Variants in TMEM266 observed in about 807,000 individuals in gnomAD.
The protein encoded by TMEM266 is Hv1 related protein 1.
TMEM266 carries 33 observed loss-of-function variants against 50.5 expected under a neutral mutation model. The ratio of observed to expected loss-of-function variants is 0.65; its 90% CI spans 0.50 to 0.87. TMEM266 has a LOEUF of 0.87. TMEM266 is among the 40% of genes least tolerant of loss of function. The probability of loss-of-function intolerance (pLI) is 0.00; values close to 1 mark genes in which losing one functional copy is unlikely to be tolerated. For synonymous variants in TMEM266, 310 were observed against 292.3 expected, an observed-to-expected ratio of 1.06 and a Z score of -0.62; for missense variants, 655 against 695.1, an observed-to-expected ratio of 0.94 and a Z score of 0.65.
intron 1 of TMEM266, among the ~76,000 whole-genome samples, chr15:76,065,670 C>T (rs1211232732): frequency 6.6e-6 from 1 of 152,106 alleles, no homozygotes; most frequent in African/African-American, 2.4e-5. Flanking sequence ...AGAGTAGCTA[C>T]GGCAGAGGAT....
At chr15:76,138,008 G>A in intron 3 of TMEM266, 113 bp downstream of exon 3, 2 of 1,099,118 alleles carry the variant, frequency 1.8e-6, no homozygotes, top group Non-Finnish European at 2.5e-6. Context: ...GATCACCTGA[G>A]GTTAGGAGTT....
At chr15:76,172,045 G>A (rs139643688) in intron 7 of TMEM266, among the ~76,000 whole-genome samples, 10 of 152,256 alleles carry the variant, frequency 6.6e-5, no homozygotes, top group African/African-American at 2.4e-4. Context: ...AGGACGAAGA[G>A]GCCCACCCCA....
intron 1 of TMEM266, among the ~76,000 whole-genome samples, chr15:76,068,474 C>T (rs1037500433): frequency 6.6e-6 from 1 of 152,158 alleles, no homozygotes. Flanking sequence ...TGAGTTGTTT[C>T]CCCTCCAAAA....
intron 8 of TMEM266, among the ~76,000 whole-genome samples, chr15:76,178,277 A>G (rs975444362): frequency 1.5e-4 from 23 of 152,054 alleles, no homozygotes; most frequent in African/African-American, 4.6e-4. Context: ...AAGACTGGGG[A>G]CAGAGGCTGG....
chr15:76,124,624 C>T (rs948456181), intron 1 of TMEM266, among the ~76,000 whole-genome samples: 46 of 151,856 alleles, frequency 3.0e-4, no homozygotes, highest in Non-Finnish European at 5.4e-4. Context: ...CATAGCAAGA[C>T]CCCCAACTCT....
intron 1 of TMEM266, among the ~76,000 whole-genome samples, chr15:76,104,303 A>T (rs2037048117): frequency 6.6e-6 from 1 of 152,226 alleles, no homozygotes; most frequent in South Asian, 2.1e-4. Flanking sequence ...TTTAAATTCA[A>T]AATGAATTAA....
chr15:76,193,212 A>C, intron 9 of TMEM266, among the ~76,000 whole-genome samples: 1 of 150,394 alleles, frequency 6.6e-6, no homozygotes, highest in East Asian at 2.0e-4. Context: ...GCAACACTGC[A>C]AACAGCTTTT....
At chr15:76,194,792 G>T (rs1253017322) in intron 9 of TMEM266, among the ~76,000 whole-genome samples, 1 of 152,080 alleles carries the variant, frequency 6.6e-6, no homozygotes, top group Non-Finnish European at 1.5e-5. Context: ...TTTTATAAGG[G>T]CCCCAGTCAT....
At chr15:76,172,788 C>A (rs905531050) in intron 7 of TMEM266, among the ~76,000 whole-genome samples, 1 of 152,170 alleles carries the variant, frequency 6.6e-6, no homozygotes, top group Admixed American at 6.5e-5. Context: ...TGACACCCAC[C>A]AGCGCTCTTT....
rs1048439373 is a variant in TMEM266 at position 76,204,421 on chromosome 15, G to A, written c.*106G>A. ...CACGCGGGGCCCAGGAGCCCACCTG[G>A]CCTCCCTCAGGGTGCTGCCTGCCTC... On this transcript the variant is annotated 3_prime_UTR_variant, in exon 11 of 11. Coordinates refer to ENST00000388942, the MANE Select transcript of TMEM266 (RefSeq NM_152335.3). The A allele has an allele frequency of 4.4e-6, 5 of 1,143,256 alleles. No homozygotes were observed. In the South Asian group the frequency reaches 8.1e-5, roughly 18 times the overall value. The allele number at this position is 1,143,256 out of a possible 1,614,324, so 70.8% of individuals were successfully genotyped here. A position where few individuals can be genotyped will look rare whatever the true frequency, so the allele number is the denominator to read the frequency against.
At chr15:76,120,708 C>T (rs1258488174) in intron 1 of TMEM266, among the ~76,000 whole-genome samples, 2 of 145,414 alleles carry the variant, frequency 1.4e-5, no homozygotes, top group Admixed American at 1.4e-4. Context: ...CTGCAGTGAG[C>T]CAAGATCATG....
At chr15:76,061,808 TC>T (rs1331232706) in intron 1 of TMEM266, among the ~76,000 whole-genome samples, 2 of 152,192 alleles carry the variant, frequency 1.3e-5, no homozygotes, top group African/African-American at 4.8e-5. Flanking sequence ...CATTATCGCA[TC>T]CCACCCTACC....
At chr15:76,146,226 C>T (rs2037753052) in intron 3 of TMEM266, among the ~76,000 whole-genome samples, 2 of 152,160 alleles carry the variant, frequency 1.3e-5, no homozygotes, top group African/African-American at 2.4e-5. Context: ...TCGTCACCCC[C>T]ACTTTATAAA....
At chr15:76,103,910 C>CAAA (rs35293752) in intron 1 of TMEM266, among the ~76,000 whole-genome samples, 190 of 127,018 alleles carry the variant, frequency 1.5e-3, no homozygotes, top group Middle Eastern at 5.0e-3. Context: ...GACTCCATCT[C>CAAA]AAAAAAAAAA....
intron 1 of TMEM266, among the ~76,000 whole-genome samples, chr15:76,117,198 C>T (rs1268864721): frequency 2.6e-5 from 4 of 152,154 alleles, no homozygotes; most frequent in African/African-American, 7.2e-5. Context: ...TACACCCAGC[C>T]GAATCCATCA....
intron 1 of TMEM266, among the ~76,000 whole-genome samples, chr15:76,105,017 AC>A (rs2037059967): frequency 6.6e-6 from 1 of 151,954 alleles, no homozygotes. Flanking sequence ...CAGGTTCACA[AC>A]CTGTCCTTAA....
intron 4 of TMEM266, among the ~76,000 whole-genome samples, chr15:76,159,319 G>T (rs971519300): frequency 6.6e-6 from 1 of 152,184 alleles, no homozygotes; most frequent in African/African-American, 2.4e-5. Context: ...GCTGGCTGTG[G>T]CTTCATGTAT....
chr15:76,165,371 A>G (rs1045258163), intron 5 of TMEM266, among the ~76,000 whole-genome samples: 1 of 152,356 alleles, frequency 6.6e-6, no homozygotes, highest in Admixed American at 6.5e-5. Context: ...CATCTCTCAA[A>G]TGGTATAAAA....
intron 9 of TMEM266, among the ~76,000 whole-genome samples, chr15:76,193,308 A>C (rs1365217109): frequency 1.3e-5 from 2 of 151,932 alleles, no homozygotes; most frequent in East Asian, 3.9e-4. Context: ...GCCACCTCAG[A>C]CTCCTGGGCT....
Sources: gnomAD v4.1 joint callset for allele counts (sites outside exome capture counted in the v4.1 genomes callset) on GRCh38, gnomAD v4.1.1 for gene constraint, MANE v1.5 for transcripts, NCBI Gene and HGNC (gene_info 2026-07-23, HGNC 2026-07-21) for gene names.